SLIT1: variants seen among roughly 807,000 people sequenced by gnomAD.
The protein encoded by SLIT1 is slit guidance ligand 1.
In SLIT1, 66 loss-of-function variants were observed where a neutral mutation model predicts 186.1. The ratio of observed to expected loss-of-function variants is 0.35; its 90% CI spans 0.29 to 0.44. The LOEUF (loss-of-function observed/expected upper bound fraction) is 0.44, where lower values mean the gene tolerates loss of function less well. Among genes scored for constraint, SLIT1 ranks in the 20% least tolerant of loss-of-function variants. The probability of loss-of-function intolerance (pLI) is 1.00; values close to 1 mark genes in which losing one functional copy is unlikely to be tolerated. For missense variants in SLIT1, 1,638 were observed against 2,037.4 expected, an observed-to-expected ratio of 0.80 and a Z score of 3.77; for synonymous variants, 761 against 833.8, an observed-to-expected ratio of 0.91 and a Z score of 1.50.
chr10:97,064,017 G>C (rs1848919895), intron 7 of SLIT1, 151 bp downstream of exon 7: 1 of 670,790 alleles, frequency 1.5e-6, no homozygotes, highest in Non-Finnish European at 2.6e-6. Flanking sequence ...GCCTCCGAGA[G>C]CATGAAGCCC....
intron 4 of SLIT1, among the ~76,000 whole-genome samples, chr10:97,136,046 G>A (rs1197428922): frequency 6.6e-6 from 1 of 152,176 alleles, no homozygotes. Flanking sequence ...TGAGATGTCA[G>A]CATCTGCATT....
intron 4 of SLIT1, among the ~76,000 whole-genome samples, chr10:97,078,323 C>T (rs1322518439): frequency 5.9e-5 from 9 of 152,200 alleles, no homozygotes; most frequent in Admixed American, 2.6e-4. Flanking sequence ...CCCTGCCCAC[C>T]GCGAAGCCAC....
rs1291997715 is a variant in SLIT1 at position 97,184,900 on chromosome 10, G to A, written c.197+578C>T. On this transcript the variant is annotated intron_variant, in intron 1 of 36. Transcript: ENST00000266058. This position sits in a 1 kb window ranked among gnomAD's most constrained non-coding sequence, Gnocchi z 4.4. ...GGGATGGCTGGGTGTGGAGGGAGGCGGGTGAGTAGGGGACCAACGCGTGGC... is the reference window on the plus strand; with the variant it reads ...GGGATGGCTGGGTGTGGAGGGAGGCAGGTGAGTAGGGGACCAACGCGTGGC... Among the ~76,000 whole-genome samples the A allele has an allele frequency of 6.6e-6, 1 of 152,118 alleles. No individual in the cohort carries two copies. Among genetic ancestry groups the A allele is most frequent in the African/African-American group, 2.4e-5 (1 of 41,398 alleles).
intron 4 of SLIT1, among the ~76,000 whole-genome samples, chr10:97,096,707 C>T (rs1289541518): frequency 6.6e-6 from 1 of 152,104 alleles, no homozygotes; most frequent in African/African-American, 2.4e-5. Context: ...GGCGGAGAGC[C>T]CCCTTCCCCC....
intron 11 of SLIT1, chr10:97,057,749 A>ATT: frequency 6.9e-6 from 3 of 433,790 alleles, no homozygotes; most frequent in Non-Finnish European, 1.2e-5. Context: ...GACTTCAAGC[A>ATT]TTTTTTTTTT....
intron 4 of SLIT1, among the ~76,000 whole-genome samples, chr10:97,125,260 A>G (rs1296233391): frequency 6.8e-6 from 1 of 147,930 alleles, no homozygotes; most frequent in Admixed American, 6.9e-5. Flanking sequence ...ACAAACAAGG[A>G]CGTTTCCTTG....
At chr10:97,131,138 G>A (rs1272990937) in intron 4 of SLIT1, among the ~76,000 whole-genome samples, 1 of 152,170 alleles carries the variant, frequency 6.6e-6, no homozygotes, top group East Asian at 1.9e-4. Context: ...GCCCTTCCCT[G>A]TCAGTCGGCA....
At chr10:97,002,509 G>C (rs928189742) in intron 35 of SLIT1, 140 bp from the exon 36 acceptor site, 13 of 702,398 alleles carry the variant, frequency 1.9e-5, no homozygotes, top group East Asian at 1.2e-4. Context: ...CTGAAACAAA[G>C]GGAGTTGCAT....
At chr10:97,008,119 T>A (rs2134589630) in intron 31 of SLIT1, among the ~76,000 whole-genome samples, 1 of 152,194 alleles carries the variant, frequency 6.6e-6, no homozygotes, top group African/African-American at 2.4e-5. Flanking sequence ...TGATCTTATA[T>A]AAGAAAATCC....
chr10:97,148,422 G>A (rs1318180339), intron 4 of SLIT1, among the ~76,000 whole-genome samples: 1 of 151,584 alleles, frequency 6.6e-6, no homozygotes, highest in Non-Finnish European at 1.5e-5. Flanking sequence ...CTGAGTAGCT[G>A]GGACTACAGG....
chr10:97,058,509 G>A (rs531706062), intron 11 of SLIT1, among the ~76,000 whole-genome samples: 34 of 152,306 alleles, frequency 2.2e-4, no homozygotes, highest in South Asian at 1.0e-3. Flanking sequence ...CAATGACAAC[G>A]ATCCCTCACC....
rs1360623947 is a variant in SLIT1, at chr10:97,127,368, G to GCCTT, written c.413+30446_413+30449dup. Among the ~76,000 whole-genome samples, 3 of 152,248 alleles carry GCCTT rather than the reference G, an allele frequency of 2.0e-5. No individual in the cohort carries two copies. In the East Asian group the frequency reaches 5.8e-4, roughly 29 times the overall value. The stretch of plus-strand genomic sequence containing the variant: ...CAAACCAATCAGACTCATCAGCCAA[G>GCCTT]CCTTATAGCTTAAAAGAGAAAAGGG... On this transcript the variant is annotated intron_variant, in intron 4 of 36. Transcript: ENST00000266058.
At chr10:97,059,582 T>G (rs1276914895) in intron 10 of SLIT1, 51 bp from the exon 11 acceptor site, 1 of 1,420,376 alleles carries the variant, frequency 7.0e-7, no homozygotes, top group East Asian at 2.3e-5. Flanking sequence ...CAACAGCCAC[T>G]AAGCCCTGCC....
chr10:97,021,417 A>G lies in SLIT1; in HGVS notation c.2583-4T>C. 3 of 1,611,796 alleles carry G rather than the reference A, an allele frequency of 1.9e-6. No individual in the cohort carries two copies. Among genetic ancestry groups the G allele is most frequent in the Non-Finnish European group, 2.5e-6 (3 of 1,178,506 alleles). ...TAGGGGGTTGGCACCAATGGCCCTG[A>G]GCAGAAAGCAGAGAGAAGCAGGCAT... On this transcript the variant is annotated splice_polypyrimidine_tract_variant and splice_region_variant and intron_variant, in intron 25 of 36. Transcript: ENST00000266058. The surrounding 1 kb of genome is among the most constrained non-coding windows in gnomAD (Gnocchi z 4.5).
intron 23 of SLIT1, among the ~76,000 whole-genome samples, chr10:97,032,297 G>T (rs536413036): frequency 6.6e-6 from 1 of 152,102 alleles, no homozygotes; most frequent in Non-Finnish European, 1.5e-5. Context: ...GGCTGGATGC[G>T]GTGGCTGACT....
intron 4 of SLIT1, among the ~76,000 whole-genome samples, chr10:97,080,798 C>T (rs1415491320): frequency 6.6e-6 from 1 of 152,244 alleles, no homozygotes; most frequent in Non-Finnish European, 1.5e-5. Flanking sequence ...CATGAATTGA[C>T]TTTTGGGGCA....
chr10:97,100,426 C>T (rs978050063), intron 4 of SLIT1, among the ~76,000 whole-genome samples: 1 of 152,050 alleles, frequency 6.6e-6, no homozygotes, highest in Non-Finnish European at 1.5e-5. Context: ...GAGTTCAAGT[C>T]CAGCCTGGCC....
Position 97,057,270 on chromosome 10 carries a change from C to G in SLIT1, c.1097G>C (p.Gly366Ala). ...ACGGGGGAGGTCTGTGATCTTGTTT[C>G]CATAGAGGACCCTGGAGAAAAGGCA... ...LRSLNSLVLYGNKITDLPRGV... is the reference protein window; with the variant it reads ...LRSLNSLVLYANKITDLPRGV... Residue 366 changes from glycine to alanine, a missense_variant, in exon 12 of 37, where the codon GGA becomes GCA. Physicochemically the swap from Gly to Ala is moderately conservative, Grantham distance 60. Coordinates refer to ENST00000266058, the MANE Select transcript of SLIT1 (RefSeq NM_003061.3). 1 of 1,613,786 alleles carries G rather than the reference C, an allele frequency of 6.2e-7. No homozygotes were observed. The highest frequency in any genetic ancestry group is 8.5e-7 in the Non-Finnish European group (1 of 1,179,892).
At chr10:97,185,243 G>A (rs913198303) in intron 1 of SLIT1, among the ~76,000 whole-genome samples, 5 of 152,260 alleles carry the variant, frequency 3.3e-5, no homozygotes, top group Admixed American at 2.6e-4. Context: ...CAGGGTGCAG[G>A]TGTGAGGACG....
Sources: gnomAD v4.1 joint callset for allele counts (sites outside exome capture counted in the v4.1 genomes callset) on GRCh38, gnomAD v4.1.1 for gene constraint, Gnocchi (gnomAD v3.1) non-coding constraint, MANE v1.5 for transcripts, NCBI Gene and HGNC (gene_info 2026-07-23, HGNC 2026-07-21) for gene names.